Variants in CD5L observed in about 807,000 individuals in gnomAD.
The protein encoded by CD5L is CD5 molecule like.
A neutral mutation model predicts 40.8 loss-of-function variants in CD5L; 39 were observed. The observed-to-expected ratio is 0.96, with a 90% CI of 0.74 to 1.25. CD5L has a LOEUF of 1.25. Ranked by LOEUF, CD5L falls within the 50% of genes most tolerant of loss-of-function variation. The pLI is 0.00. For synonymous variants in CD5L, 192 were observed against 169.6 expected (o/e 1.13, Z -1.03); for missense variants, 433 against 435.9 (o/e 0.99, Z 0.06).
downstream of CD5L, among the ~76,000 whole-genome samples, chr1:157,827,507 C>T (rs1655933726): frequency 6.6e-6 from 1 of 152,120 alleles, no homozygotes. Flanking sequence ...AAGTCCCAGT[C>T]CAAGGGCAGA....
downstream of CD5L, among the ~76,000 whole-genome samples, chr1:157,828,065 A>G (rs1382838052): frequency 6.6e-6 from 1 of 152,200 alleles, no homozygotes; most frequent in Non-Finnish European, 1.5e-5. Context: ...TGATGGAGGA[A>G]GGAAAGAAAT....
rs1656052776 is a variant in CD5L, at chr1:157,831,699, G to A, written c.*265C>T. 2.5e-6 allele frequency: 3 copies of A among 1,220,236 alleles called. No homozygotes were observed. Among genetic ancestry groups the A allele is most frequent in the East Asian group, 6.8e-5 (2 of 29,530 alleles). 75.6% of individuals were successfully genotyped at this position (1,220,236 alleles called of 1,614,324 possible). A position where few individuals can be genotyped will look rare whatever the true frequency, so the allele number is the denominator to read the frequency against. On this transcript the variant is annotated 3_prime_UTR_variant, in exon 6 of 6. Coordinates refer to ENST00000368174, the MANE Select transcript of CD5L (RefSeq NM_005894.3). ...AAAGGCAGGAAAGGCCAGAACCAGT[G>A]TCAAAGGGTCAGGGTTGAGCACAGG...
At position 157,831,855 on chromosome 1, in the gene CD5L, T is replaced by C; in HGVS notation, c.*109A>G. 1.4e-6 allele frequency: 2 copies of C among 1,442,490 alleles called. No individual in the cohort carries two copies. The highest frequency in any genetic ancestry group is 1.5e-5 in the African/African-American group (1 of 68,912). The allele number at this position is 1,442,490 out of a possible 1,614,324, so 89.4% of individuals were successfully genotyped here. A position where few individuals can be genotyped will look rare whatever the true frequency, so the allele number is the denominator to read the frequency against. On this transcript the variant is annotated 3_prime_UTR_variant, in exon 6 of 6. Transcript: ENST00000368174. ...TCAGACTCCTGAGGGGATGAGGGAG[T>C]AGTGGCTCAAGCCTGAGCCCCAGAA...
intron 1 of CD5L, among the ~76,000 whole-genome samples, chr1:157,840,201 C>T (rs899121470): frequency 2.0e-5 from 3 of 152,040 alleles, no homozygotes; most frequent in Non-Finnish European, 4.4e-5. Flanking sequence ...ATATGTAGTT[C>T]CAAACCTCCA....
At chr1:157,840,667 C>T (rs1656346883) in intron 1 of CD5L, among the ~76,000 whole-genome samples, 1 of 152,162 alleles carries the variant, frequency 6.6e-6, no homozygotes, top group Non-Finnish European at 1.5e-5. Flanking sequence ...GGAAAGTGAG[C>T]ATGGCAAGCC....
chr1:157,831,080 T>C lies in CD5L; in HGVS notation c.*884A>G. On this transcript the variant is annotated 3_prime_UTR_variant, in exon 6 of 6. Transcript: ENST00000368174. Reference sequence around the variant, plus strand: ...AGCTTACAGGCCCCAAAGTCTCAGTTGATAAAGTGAAAATGATATTTTTCA... The same window carrying C: ...AGCTTACAGGCCCCAAAGTCTCAGTCGATAAAGTGAAAATGATATTTTTCA... 1 of 985,448 alleles carries C rather than the reference T, an allele frequency of 1.0e-6. No homozygotes were observed. The highest frequency in any genetic ancestry group is 1.2e-6 in the Non-Finnish European group (1 of 829,938). 61.0% of individuals were successfully genotyped at this position (985,448 alleles called of 1,614,324 possible).
chr1:157,833,610 T>A, intron 4 of CD5L, 98 bp from the exon 5 acceptor site: 1 of 1,001,264 alleles, frequency 1.0e-6, no homozygotes, highest in Non-Finnish European at 1.4e-6. Flanking sequence ...TTGTATTTTT[T>A]GTATGTTTGT....
Position 157,830,969 on chromosome 1 carries a change from A to G in CD5L, c.*995T>C, listed in dbSNP as rs1403214751. On this transcript the variant is annotated 3_prime_UTR_variant, in exon 6 of 6. Transcript: ENST00000368174. ...AGTGTAAATGTGTAAATGTAGCCGT[A>G]TAATAAGTACTCAGCCTAGCCTCAG... The G allele has an allele frequency of 1.0e-6, 1 of 985,208 alleles. No homozygotes were observed. Among genetic ancestry groups the G allele is most frequent in the Non-Finnish European group, 1.2e-6 (1 of 829,818 alleles). The allele number at this position is 985,208 out of a possible 1,614,324, so 61.0% of individuals were successfully genotyped here.
downstream of CD5L, among the ~76,000 whole-genome samples, chr1:157,827,702 T>A (rs1655940893): frequency 6.6e-6 from 1 of 152,076 alleles, no homozygotes; most frequent in African/African-American, 2.4e-5. Context: ...CAGACACACA[T>A]AGAAATAAGG....
chr1:157,831,981 G>C lies in CD5L; in HGVS notation c.1040-13C>G. 1.3e-6 allele frequency: 2 copies of C among 1,579,438 alleles called. No individual in the cohort carries two copies. The highest frequency in any genetic ancestry group is 1.7e-6 in the Non-Finnish European group (2 of 1,161,760). On this transcript the variant is annotated splice_polypyrimidine_tract_variant and intron_variant, in intron 5 of 5. Transcript: ENST00000368174. ...CCAGGATACTATCCTATAAAGAGAA[G>C]AGGAAAATGCAGTAAGGATGGGTAT...
At position 157,831,097 on chromosome 1, in the gene CD5L, T is replaced by A. The variant is rs1656034343; in HGVS notation, c.*867A>T. On this transcript the variant is annotated 3_prime_UTR_variant, in exon 6 of 6. Coordinates refer to ENST00000368174, the MANE Select transcript of CD5L (RefSeq NM_005894.3). ...GTCTCAGTTGATAAAGTGAAAATGA[T>A]ATTTTTCACTTTCGCTTGGCATAAG... is the stretch of plus-strand genomic sequence containing the variant. The A allele has an allele frequency of 2.6e-5, 26 of 985,448 alleles. No individual in the cohort carries two copies. The highest frequency in any genetic ancestry group is 3.0e-5 in the Non-Finnish European group (25 of 829,934). 61.0% of individuals were successfully genotyped at this position (985,448 alleles called of 1,614,324 possible). A position where few individuals can be genotyped will look rare whatever the true frequency, so the allele number is the denominator to read the frequency against.
chr1:157,840,327 T>C (rs1294572436), intron 1 of CD5L, among the ~76,000 whole-genome samples: 1 of 152,140 alleles, frequency 6.6e-6, no homozygotes, highest in Admixed American at 6.5e-5. Context: ...TCCTGGGCCC[T>C]GTAACCTCCA....
In CD5L at chr1:157,835,849, C is replaced by A. The variant is rs368389928; in HGVS notation, c.362G>T (p.Gly121Val). 53 of 1,612,442 alleles carry A rather than the reference C, an allele frequency of 3.3e-5. No homozygotes were observed. Among genetic ancestry groups the A allele is most frequent in the Non-Finnish European group, 4.5e-5 (53 of 1,179,234 alleles). Residue 121 changes from glycine to valine, a missense_variant, in exon 3 of 6, where the codon GGG becomes GTG. Coordinates refer to ENST00000368174, the MANE Select transcript of CD5L (RefSeq NM_005894.3). ...GCCATACTCACTCTCACACGATGCCCCAGCATCTTCATCATGTGAACAATC... is the reference window on the plus strand; with the variant it reads ...GCCATACTCACTCTCACACGATGCCACAGCATCTTCATCATGTGAACAATC... ...VYDCSHDEDA[G>V]ASCENPESSF...
chr1:157,834,363 T>C (rs766948440), intron 4 of CD5L, 44 bp downstream of exon 4: 10 of 1,489,392 alleles, frequency 6.7e-6, no homozygotes, highest in Non-Finnish European at 8.3e-6. Flanking sequence ...TTCCACATAA[T>C]TAAATCCATG....
chr1:157,830,699 T>A (rs1024068181), downstream of CD5L, among the ~76,000 whole-genome samples: 1 of 152,224 alleles, frequency 6.6e-6, no homozygotes, highest in Non-Finnish European at 1.5e-5. Context: ...TGTGTTAGCC[T>A]GAAGTCCAGG....
intron 3 of CD5L, 105 bp downstream of exon 3, chr1:157,835,730 A>C (rs1302071911): frequency 2.2e-6 from 2 of 905,942 alleles, no homozygotes; most frequent in East Asian, 4.8e-5. Context: ...GTGAGGGGCC[A>C]ATTAGCCATT....
intron 4 of CD5L, among the ~76,000 whole-genome samples, 182 bp from the exon 5 acceptor site, chr1:157,833,694 C>G (rs1161354761): frequency 2.6e-5 from 4 of 151,812 alleles, no homozygotes; most frequent in Admixed American, 2.6e-4. Flanking sequence ...CAGCCTCAAC[C>G]TCGAGGGCCC....
intron 5 of CD5L, 32 bp from the exon 6 acceptor site, chr1:157,832,000 T>C (rs746209088): frequency 2.0e-6 from 3 of 1,506,128 alleles, no homozygotes; most frequent in African/African-American, 2.8e-5. Context: ...GCAGTAAGGA[T>C]GGGTATAGTC....
chr1:157,835,002 C>T (rs1228814249), intron 3 of CD5L, among the ~76,000 whole-genome samples: 6 of 152,162 alleles, frequency 3.9e-5, no homozygotes, highest in African/African-American at 7.2e-5. Context: ...TCATGTTCAA[C>T]TTGTCATTTG....
Sources: allele counts gnomAD v4.1 joint callset (sites outside exome capture counted in the v4.1 genomes callset), GRCh38; gene constraint gnomAD v4.1.1; transcripts MANE v1.5; gene names NCBI Gene and HGNC (gene_info 2026-07-23, HGNC 2026-07-21).